LCLAT1: variants seen among roughly 807,000 people sequenced by gnomAD.
The protein encoded by LCLAT1 is 1-AGP acyltransferase 8.
In LCLAT1, 11 loss-of-function variants were observed where a neutral mutation model predicts 30.7. That is an observed-to-expected ratio of 0.36 (90% CI 0.23 to 0.59). The LOEUF is 0.59. LCLAT1 is among the 20% of genes least tolerant of loss of function. LCLAT1 has a pLI of 0.77. For missense variants in LCLAT1, 402 were observed against 458.6 expected, an observed-to-expected ratio of 0.88 and a Z score of 1.13; for synonymous variants, 155 against 151.3, an observed-to-expected ratio of 1.02 and a Z score of -0.18.
At chr2:30,463,588 C>T (rs1264906244) in intron 1 of LCLAT1, among the ~76,000 whole-genome samples, 1 of 152,138 alleles carries the variant, frequency 6.6e-6, no homozygotes, top group African/African-American at 2.4e-5. Context: ...CATGTACAGA[C>T]TTTTTTCTTG....
chr2:30,511,176 C>T (rs1341609994), intron 1 of LCLAT1, among the ~76,000 whole-genome samples: 1 of 152,102 alleles, frequency 6.6e-6, no homozygotes, highest in Non-Finnish European at 1.5e-5. Context: ...TTGGGCTTTA[C>T]TGAGGGGTGA....
At chr2:30,629,407 A>G (rs1246375295) in intron 5 of LCLAT1, among the ~76,000 whole-genome samples, 4 of 152,098 alleles carry the variant, frequency 2.6e-5, no homozygotes, top group Non-Finnish European at 4.4e-5. Context: ...TAAAAATACA[A>G]AAATTAGCCG....
intron 1 of LCLAT1, among the ~76,000 whole-genome samples, chr2:30,473,486 G>GT (rs921545543): frequency 6.6e-6 from 1 of 152,090 alleles, no homozygotes; most frequent in African/African-American, 2.4e-5. Flanking sequence ...TTATCAACAT[G>GT]TTTTTTCATC....
chr2:30,638,645 T>C (rs2593454), intron 5 of LCLAT1, among the ~76,000 whole-genome samples: 62,716 of 152,026 alleles, frequency 0.41, 13,477 homozygotes, highest in African/African-American at 0.46. Flanking sequence ...TTATAAAGAA[T>C]TGGATTAAGT....
intron 5 of LCLAT1, chr2:30,605,927 C>T (rs1558551161): frequency 5.2e-6 from 5 of 957,950 alleles, no homozygotes; most frequent in Non-Finnish European, 6.8e-6. Flanking sequence ...AAGGAGCGCG[C>T]AACCTAGATC....
intron 3 of LCLAT1, among the ~76,000 whole-genome samples, chr2:30,541,050 T>C (rs1017197107): frequency 2.0e-5 from 3 of 152,246 alleles, no homozygotes; most frequent in Non-Finnish European, 4.4e-5. Context: ...AAATTCTTAG[T>C]AGAAATATTA....
At chr2:30,553,851 G>A (rs1264487771) in intron 3 of LCLAT1, among the ~76,000 whole-genome samples, 3 of 152,136 alleles carry the variant, frequency 2.0e-5, no homozygotes, top group Non-Finnish European at 4.4e-5. Flanking sequence ...TATATATGCT[G>A]ATTTTAAAGA....
At chr2:30,581,467 C>T (rs1297262613) in intron 5 of LCLAT1, among the ~76,000 whole-genome samples, 1 of 152,128 alleles carries the variant, frequency 6.6e-6, no homozygotes, top group Non-Finnish European at 1.5e-5. Context: ...ATGTTAATTG[C>T]AGCCCTACTA....
At chr2:30,518,840 C>A (rs1282831839) in intron 1 of LCLAT1, among the ~76,000 whole-genome samples, 3 of 152,312 alleles carry the variant, frequency 2.0e-5, no homozygotes, top group African/African-American at 7.2e-5. Flanking sequence ...GACTGTTTTA[C>A]CCCAAGGGTT....
intron 5 of LCLAT1, among the ~76,000 whole-genome samples, chr2:30,588,475 A>G (rs1343580798): frequency 6.6e-6 from 1 of 152,168 alleles, no homozygotes; most frequent in Non-Finnish European, 1.5e-5. Flanking sequence ...TATACTGCAG[A>G]TATTGTTAGA....
chr2:30,623,946 A>G (rs1023585628), intron 5 of LCLAT1, among the ~76,000 whole-genome samples: 1 of 152,196 alleles, frequency 6.6e-6, no homozygotes, highest in Admixed American at 6.5e-5. Flanking sequence ...GCTAAAAGGG[A>G]TTAGGGTCCC....
chr2:30,470,390 C>A (rs1437901721), intron 1 of LCLAT1, among the ~76,000 whole-genome samples: 1 of 152,190 alleles, frequency 6.6e-6, no homozygotes, highest in African/African-American at 2.4e-5. Context: ...CAGGCTCCTA[C>A]TGTAATTCTG....
intron 5 of LCLAT1, among the ~76,000 whole-genome samples, chr2:30,573,944 C>G (rs997874471): frequency 1.1e-4 from 17 of 152,130 alleles, no homozygotes; most frequent in Admixed American, 1.0e-3. Flanking sequence ...AGCAGTGCCC[C>G]AGCCTGGTTA....
intron 1 of LCLAT1, among the ~76,000 whole-genome samples, chr2:30,479,289 G>A (rs1426232748): frequency 6.6e-6 from 1 of 151,942 alleles, no homozygotes; most frequent in Admixed American, 6.6e-5. Context: ...GACTACAGTG[G>A]TGTGATCATA....
At chr2:30,491,922 C>T (rs1683852517) in intron 1 of LCLAT1, among the ~76,000 whole-genome samples, 1 of 152,096 alleles carries the variant, frequency 6.6e-6, no homozygotes, top group African/African-American at 2.4e-5. Context: ...ATTTACTCTG[C>T]TTAGAAGCTT....
chr2:30,595,069 T>G (rs957673852), intron 5 of LCLAT1, among the ~76,000 whole-genome samples: 6 of 152,218 alleles, frequency 3.9e-5, no homozygotes, highest in Non-Finnish European at 8.8e-5. Flanking sequence ...ATAGCCTTTT[T>G]GTGAATAAGA....
intron 5 of LCLAT1, among the ~76,000 whole-genome samples, chr2:30,598,970 CTTTT>C (rs954642694): frequency 2.8e-5 from 4 of 144,038 alleles, no homozygotes; most frequent in Non-Finnish European, 6.1e-5. Context: ...GAGTGAGTTT[CTTTT>C]TTTTTTTCTT....
intron 3 of LCLAT1, among the ~76,000 whole-genome samples, chr2:30,535,261 T>C (rs115792664): frequency 5.3e-5 from 8 of 152,324 alleles, no homozygotes; most frequent in Non-Finnish European, 1.2e-4. Context: ...AAGTGTTCAA[T>C]TGATTTATGA....
intron 1 of LCLAT1, among the ~76,000 whole-genome samples, chr2:30,452,263 C>A (rs945442565): frequency 6.6e-6 from 1 of 151,746 alleles, no homozygotes; most frequent in Admixed American, 6.6e-5. Context: ...GAGAATATGG[C>A]AATGCAAGAT....
Sources: allele counts gnomAD v4.1 joint callset (sites outside exome capture counted in the v4.1 genomes callset), GRCh38; gene constraint gnomAD v4.1.1; transcripts MANE v1.5; gene names NCBI Gene and HGNC (gene_info 2026-07-23, HGNC 2026-07-21).